Variants in RAB2A observed in about 807,000 individuals in gnomAD.
RAB2A encodes ras-related protein Rab-2A.
Under a neutral mutation model 32.5 loss-of-function variants are expected in RAB2A, and 7 were observed. The ratio of observed to expected loss-of-function variants is 0.22; its 90% CI spans 0.12 to 0.40. The LOEUF (loss-of-function observed/expected upper bound fraction) is 0.40, where lower values mean the gene tolerates loss of function less well. Among genes scored for constraint, RAB2A ranks in the 10% least tolerant of loss-of-function variants. The probability of loss-of-function intolerance (pLI) is 1.00; values close to 1 mark genes in which losing one functional copy is unlikely to be tolerated. For missense variants in RAB2A, 108 were observed against 260.7 expected (o/e 0.41, Z 4.03); for synonymous variants, 79 against 85.2 (o/e 0.93, Z 0.40).
chr8:60,554,494 GAAC>G (rs1807904715), intron 1 of RAB2A, among the ~76,000 whole-genome samples: 1 of 152,188 alleles, frequency 6.6e-6, no homozygotes, highest in South Asian at 2.1e-4. Context: ...GGAGGATGAT[GAAC>G]AAGAGAATGA....
rs1437422257 is a variant in RAB2A at position 60,622,805 on chromosome 8, C to T, written c.*2036C>T. The T allele has an allele frequency of 2.0e-5, 3 of 152,208 alleles. No individual in the cohort carries two copies. Among genetic ancestry groups the T allele is most frequent in the Admixed American group, 2.0e-4 (3 of 15,284 alleles). 9.4% of individuals were successfully genotyped at this position (152,208 alleles called of 1,614,324 possible). ...CCTAATGTGCCTCAGTCTGGGGCAG[C>T]AGGTGGACTTCTCAATAGTTCTTTT... is the stretch of plus-strand genomic sequence containing the variant. On this transcript the variant is annotated 3_prime_UTR_variant, in exon 8 of 8. Transcript: ENST00000262646.
chr8:60,559,925 A>G (rs142185563), intron 2 of RAB2A, among the ~76,000 whole-genome samples: 1 of 152,222 alleles, frequency 6.6e-6, no homozygotes, highest in Non-Finnish European at 1.5e-5. Flanking sequence ...ATAGTTTTCA[A>G]CCAAGCTACA....
chr8:60,536,804 G>A (rs573532125), intron 1 of RAB2A, among the ~76,000 whole-genome samples: 1 of 152,262 alleles, frequency 6.6e-6, no homozygotes, highest in African/African-American at 2.4e-5. Context: ...GTATGTATCT[G>A]AGAAAGAACA....
At chr8:60,522,695 A>C (rs910834786) in intron 1 of RAB2A, among the ~76,000 whole-genome samples, 3 of 152,098 alleles carry the variant, frequency 2.0e-5, no homozygotes, top group Admixed American at 2.0e-4. Flanking sequence ...ATACAAGAGA[A>C]GGGGAGGTAA....
chr8:60,612,913 T>C (rs1386740576), intron 6 of RAB2A, among the ~76,000 whole-genome samples: 1 of 152,170 alleles, frequency 6.6e-6, no homozygotes, highest in Admixed American at 6.5e-5. Flanking sequence ...CCCTGCAGAA[T>C]TGCCTTGAAA....
intron 1 of RAB2A, among the ~76,000 whole-genome samples, chr8:60,534,118 C>T (rs907933389): frequency 4.6e-5 from 7 of 152,070 alleles, no homozygotes; most frequent in Non-Finnish European, 8.8e-5. Context: ...AAAATATGTA[C>T]GAAGTTCTAA....
chr8:60,608,477 C>G (rs1804275083), intron 6 of RAB2A, among the ~76,000 whole-genome samples: 1 of 148,342 alleles, frequency 6.7e-6, no homozygotes. Context: ...GTCCTGCTCC[C>G]TCTCCCTCTT....
intron 3 of RAB2A, chr8:60,576,394 C>A: frequency 2.4e-6 from 1 of 411,792 alleles, no homozygotes; most frequent in Non-Finnish European, 4.9e-6. Context: ...ATTCCTCTTT[C>A]AGTTGCCTTC....
intron 1 of RAB2A, among the ~76,000 whole-genome samples, chr8:60,549,296 A>T (rs1586076155): frequency 6.6e-6 from 1 of 152,088 alleles, no homozygotes; most frequent in South Asian, 2.1e-4. Context: ...GGCTGCTGGG[A>T]GGTGGAGGTT....
intron 6 of RAB2A, among the ~76,000 whole-genome samples, chr8:60,597,955 C>A (rs932392445): frequency 2.6e-5 from 4 of 152,122 alleles, no homozygotes; most frequent in African/African-American, 4.8e-5. Flanking sequence ...CCAGTTTATC[C>A]AAAAACACAA....
chr8:60,600,703 G>T (rs1804119854), intron 6 of RAB2A, among the ~76,000 whole-genome samples: 1 of 152,152 alleles, frequency 6.6e-6, no homozygotes, highest in Non-Finnish European at 1.5e-5. Context: ...TTACAGTGTG[G>T]TCCATCTATA....
intron 6 of RAB2A, among the ~76,000 whole-genome samples, chr8:60,613,116 T>C (rs374791520): frequency 4.7e-4 from 72 of 152,342 alleles, no homozygotes; most frequent in African/African-American, 1.7e-3. Flanking sequence ...TTTGGGGGGC[T>C]CATTGTGCAC....
At chr8:60,570,202 T>C in intron 2 of RAB2A, 2 of 303,180 alleles carry the variant, frequency 6.6e-6, no homozygotes, top group South Asian at 5.2e-5. Context: ...TTGTAGTTGT[T>C]TTTTGTTAAA....
chr8:60,617,854 A>C (rs1281607960), intron 6 of RAB2A, among the ~76,000 whole-genome samples: 1 of 152,222 alleles, frequency 6.6e-6, no homozygotes, highest in Non-Finnish European at 1.5e-5. Context: ...AAGAAACCTC[A>C]TACTCATTAG....
chr8:60,559,069 A>T (rs2056414), intron 2 of RAB2A, 146 bp downstream of exon 2: 4 of 595,964 alleles, frequency 6.7e-6, no homozygotes, highest in South Asian at 4.4e-5. Context: ...TCACTTTTTT[A>T]AAAATATGTG....
intron 2 of RAB2A, 64 bp downstream of exon 2, chr8:60,558,987 G>A (rs1807979978): frequency 8.3e-7 from 1 of 1,208,204 alleles, no homozygotes; most frequent in Non-Finnish European, 1.2e-6. Context: ...GAAAATGCTA[G>A]AAGGTCCATT....
chr8:60,581,178 T>G (rs765463716), intron 3 of RAB2A, among the ~76,000 whole-genome samples: 1 of 152,210 alleles, frequency 6.6e-6, no homozygotes, highest in Middle Eastern at 3.2e-3. Context: ...CCCAAACTTT[T>G]TGAGCTTTCA....
chr8:60,564,583 C>G (rs1219859859), intron 2 of RAB2A, among the ~76,000 whole-genome samples: 1 of 152,290 alleles, frequency 6.6e-6, no homozygotes, highest in South Asian at 2.1e-4. Context: ...ATCTCCTTCT[C>G]TTAGATGTCT....
chr8:60,618,029 C>T (rs903583023), intron 6 of RAB2A, among the ~76,000 whole-genome samples: 2 of 152,168 alleles, frequency 1.3e-5, no homozygotes, highest in Non-Finnish European at 2.9e-5. Flanking sequence ...CAAGGTTCAT[C>T]CACATTGTAG....
Sources: gnomAD v4.1 joint callset for allele counts (sites outside exome capture counted in the v4.1 genomes callset) on GRCh38, gnomAD v4.1.1 for gene constraint, MANE v1.5 for transcripts, NCBI Gene and HGNC (gene_info 2026-07-23, HGNC 2026-07-21) for gene names.